Variants in MARK3 observed in about 807,000 individuals in gnomAD.
The protein encoded by MARK3 is microtubule affinity regulating kinase 3.
In MARK3, 46 loss-of-function variants were observed where a neutral mutation model predicts 90.1. The observed-to-expected ratio is 0.51, with a 90% CI of 0.40 to 0.65. The LOEUF is 0.65. MARK3 is among the 30% of genes least tolerant of loss of function. The pLI is 0.00. For synonymous variants in MARK3, 321 were observed against 332.6 expected (o/e 0.97, Z 0.38); for missense variants, 818 against 947.2 (o/e 0.86, Z 1.79).
intron 4 of MARK3, 88 bp downstream of exon 4, chr14:103,449,055 G>C (rs2093066197): frequency 7.5e-7 from 1 of 1,327,114 alleles, no homozygotes; most frequent in Admixed American, 2.3e-5. Flanking sequence ...AGAAATGGTA[G>C]AGTACACTTC....
intron 15 of MARK3, among the ~76,000 whole-genome samples, chr14:103,495,569 A>G (rs1225798968): frequency 6.6e-6 from 1 of 152,106 alleles, no homozygotes. Flanking sequence ...TAGAAAAAAC[A>G]GTTGCAGGCG....
At chr14:103,387,972 C>G (rs936078410) in intron 1 of MARK3, among the ~76,000 whole-genome samples, 1 of 152,144 alleles carries the variant, frequency 6.6e-6, no homozygotes, top group African/African-American at 2.4e-5. Context: ...GGCTCTGTCT[C>G]CCAGGCTGGA....
In MARK3 at chr14:103,454,678, C is replaced by T. The variant is rs533170234; in HGVS notation, c.413-2464C>T. Reference sequence around the variant, plus strand: ...ATTCCACCATTGCATCTCCCCCACCCGCCAGCCTGCTGCCTTTTGATTTGG... The same window carrying T: ...ATTCCACCATTGCATCTCCCCCACCTGCCAGCCTGCTGCCTTTTGATTTGG... On this transcript the variant is annotated intron_variant, in intron 5 of 17. Transcript: ENST00000429436. 1.1e-4 allele frequency among the ~76,000 whole-genome samples: 17 copies of T among 152,342 alleles called. No individual in the cohort carries two copies. In the South Asian group the frequency reaches 1.2e-3, roughly 11 times the overall value.
chr14:103,455,365 C>T (rs968968081), intron 5 of MARK3, among the ~76,000 whole-genome samples: 2 of 152,208 alleles, frequency 1.3e-5, no homozygotes, highest in Non-Finnish European at 2.9e-5. Context: ...TGACATTTAA[C>T]TTCATAATTC....
At chr14:103,404,313 C>T (rs1358932361) in intron 1 of MARK3, among the ~76,000 whole-genome samples, 1 of 151,952 alleles carries the variant, frequency 6.6e-6, no homozygotes, top group African/African-American at 2.4e-5. Flanking sequence ...TGAGAAGCCT[C>T]CCTTGGGCAG....
chr14:103,405,070 T>G lies in MARK3; in HGVS notation c.52-6T>G, dbSNP rs1221462804. On this transcript the variant is annotated splice_polypyrimidine_tract_variant and splice_region_variant and intron_variant, in intron 1 of 17. Transcript: ENST00000429436. ...TTTCCTTATCTTTGTGTATGCTGTATTGCAGCACACGTCACATGGAGATGG... is the reference window on the plus strand; with the variant it reads ...TTTCCTTATCTTTGTGTATGCTGTAGTGCAGCACACGTCACATGGAGATGG... 6.2e-7 allele frequency: 1 copy of G among 1,612,482 alleles called. No individual in the cohort carries two copies. Among genetic ancestry groups the G allele is most frequent in the Admixed American group, 1.7e-5 (1 of 59,800 alleles).
At chr14:103,501,633 C>T (rs1009472040) in intron 17 of MARK3, among the ~76,000 whole-genome samples, 1 of 151,996 alleles carries the variant, frequency 6.6e-6, no homozygotes, top group Non-Finnish European at 1.5e-5. Flanking sequence ...CCCACCCGTG[C>T]TGTTTCCTCC....
In MARK3 at chr14:103,491,983, GC is replaced by G; in HGVS notation, c.1795del (p.Arg599GlufsTer10). On this transcript the variant is annotated frameshift_variant, in exon 15 of 18. Transcript: ENST00000429436. LOFTEE classifies it high-confidence loss of function. ...GCCACACCATTGTCCCAGACTCGAA[GC>G]CGAGGCTCCACTAATCTCTTTAGTA... ...HEATPLSQTR[S>X]RGSTNLFSKL... The G allele has an allele frequency of 6.2e-7, 1 of 1,614,172 alleles. No individual in the cohort carries two copies. Among genetic ancestry groups the G allele is most frequent in the Non-Finnish European group, 8.5e-7 (1 of 1,180,040 alleles).
intron 2 of MARK3, among the ~76,000 whole-genome samples, chr14:103,423,605 C>T (rs1468209140): frequency 1.3e-5 from 2 of 152,166 alleles, no homozygotes; most frequent in Admixed American, 1.3e-4. Flanking sequence ...CAGTTACCAC[C>T]TCTTTTGGTG....
chr14:103,385,837 A>C lies in MARK3; in HGVS notation c.-193A>C. 6.1e-6 allele frequency: 3 copies of C among 489,386 alleles called. No individual in the cohort carries two copies. Among genetic ancestry groups the C allele is most frequent in the Non-Finnish European group, 7.2e-6 (2 of 277,558 alleles). 30.3% of individuals were successfully genotyped at this position (489,386 alleles called of 1,614,324 possible). On this transcript the variant is annotated 5_prime_UTR_variant, in exon 1 of 18. It removes an upstream start codon present in the reference 5' UTR. Transcript: ENST00000429436. ...CCTCGGCCGCCGAGGCAGGGAGAGA[A>C]TGAGCCCCGGGACCCGCCGGGGGAC...
At chr14:103,495,397 T>G (rs1282125156) in intron 15 of MARK3, among the ~76,000 whole-genome samples, 2 of 151,994 alleles carry the variant, frequency 1.3e-5, no homozygotes, top group Admixed American at 6.6e-5. Flanking sequence ...AGAGGATGGC[T>G]TGAACCCAGG....
intron 15 of MARK3, among the ~76,000 whole-genome samples, chr14:103,496,527 C>T (rs1469444526): frequency 6.6e-6 from 1 of 152,104 alleles, no homozygotes; most frequent in Admixed American, 6.5e-5. Flanking sequence ...ATTATCCTGC[C>T]TCAGCCTCCC....
At chr14:103,493,251 T>TTC (rs1482955082) in intron 15 of MARK3, among the ~76,000 whole-genome samples, 1 of 120,010 alleles carries the variant, frequency 8.3e-6, no homozygotes, top group Non-Finnish European at 1.7e-5. Context: ...TTTTTTTTTT[T>TTC]TTTTTAATTT....
Position 103,385,440 on chromosome 14 carries a change from G to C in MARK3, c.-590G>C, listed in dbSNP as rs550458367. 14 of 154,848 alleles carry C rather than the reference G, an allele frequency of 9.0e-5. 1 individual carries two copies. The South Asian group carries it at 2.3e-3, about 25-fold the overall frequency. The allele number at this position is 154,848 out of a possible 1,614,324, so 9.6% of individuals were successfully genotyped here. On this transcript the variant is annotated 5_prime_UTR_variant, in exon 1 of 18. Coordinates refer to ENST00000429436, the MANE Select transcript of MARK3 (RefSeq NM_001128918.3). The stretch of plus-strand genomic sequence containing the variant: ...GGCTCCGTGAGGCTCTGAGGTGCCG[G>C]GGTGCGGCGGCGGCAGCGGCGGCCA...
chr14:103,457,061 C>T, intron 5 of MARK3, 81 bp from the exon 6 acceptor site: 1 of 838,026 alleles, frequency 1.2e-6, no homozygotes, highest in Non-Finnish European at 1.9e-6. Flanking sequence ...TAGAGCATTG[C>T]TAAAAGTGAA....
intron 6 of MARK3, among the ~76,000 whole-genome samples, chr14:103,458,309 A>G (rs1396195071): frequency 6.6e-6 from 1 of 152,026 alleles, no homozygotes; most frequent in Non-Finnish European, 1.5e-5. Context: ...AAACACAAAA[A>G]TTAGCCGGGC....
intron 2 of MARK3, among the ~76,000 whole-genome samples, chr14:103,426,458 C>T (rs1377560413): frequency 1.3e-5 from 2 of 152,092 alleles, no homozygotes; most frequent in Non-Finnish European, 2.9e-5. Flanking sequence ...ATGCTTTCTT[C>T]AGGGGTGGGT....
intron 3 of MARK3, among the ~76,000 whole-genome samples, chr14:103,439,928 G>A (rs983501996): frequency 3.3e-5 from 5 of 151,566 alleles, no homozygotes; most frequent in Admixed American, 1.3e-4. Context: ...GGGATTACAG[G>A]TGTGCACCAC....
At chr14:103,401,823 A>G (rs1012230333) in intron 1 of MARK3, among the ~76,000 whole-genome samples, 1 of 152,228 alleles carries the variant, frequency 6.6e-6, no homozygotes, top group Non-Finnish European at 1.5e-5. Flanking sequence ...CCCAGTAAGG[A>G]GAAGTAAGAA....
Sources: gnomAD v4.1 joint callset for allele counts (sites outside exome capture counted in the v4.1 genomes callset) on GRCh38, gnomAD v4.1.1 for gene constraint, MANE v1.5 for transcripts, NCBI Gene and HGNC (gene_info 2026-07-23, HGNC 2026-07-21) for gene names.